ADAT3: variants seen among roughly 807,000 people sequenced by gnomAD.
The protein encoded by ADAT3 is adenosine deaminase tRNA specific 3.
A neutral mutation model predicts 3.5 loss-of-function variants in ADAT3; 2 were observed. The observed-to-expected ratio is 0.57, with a 90% CI of 0.23 to 1.79. The LOEUF is 1.79. ADAT3 is among the 40% of genes most tolerant of loss of function. The pLI, the probability that ADAT3 is intolerant of heterozygous loss-of-function variation, is 0.18. For missense variants in ADAT3, 735 were observed against 571.4 expected, an observed-to-expected ratio of 1.29 and a Z score of -2.92; for synonymous variants, 358 against 270.3, an observed-to-expected ratio of 1.32 and a Z score of -3.18.
chr19:1,911,539 A>G (rs903669986), intron 1 of ADAT3, among the ~76,000 whole-genome samples: 8 of 152,166 alleles, frequency 5.3e-5, no homozygotes, highest in Admixed American at 3.9e-4. Flanking sequence ...TAATCCCACC[A>G]CCAGGTTGAA....
rs941127765 is a variant in ADAT3 at position 1,908,511 on chromosome 19, G to A, written c.-159+3072G>A. 1 of 471,008 alleles carries A rather than the reference G, an allele frequency of 2.1e-6. No homozygotes were observed. Among genetic ancestry groups the A allele is most frequent in the African/African-American group, 2.0e-5 (1 of 50,082 alleles). 29.2% of individuals were successfully genotyped at this position (471,008 alleles called of 1,614,324 possible). ...GCGGGAGGAGCCGTCCATACCAGCG[G>A]GGATGTGTAGTCCAGGCTGGCAGTT... is the stretch of plus-strand genomic sequence containing the variant. On this transcript the variant is annotated intron_variant, in intron 1 of 1. Transcript: ENST00000329478. The surrounding 1 kb of genome is among the most constrained non-coding windows in gnomAD (Gnocchi z 4.2).
rs764240025 is a variant in ADAT3 at position 1,912,106 on chromosome 19, C to T, written c.59C>T (p.Ala20Val). 44 of 1,517,820 alleles carry T rather than the reference C, an allele frequency of 2.9e-5. No homozygotes were observed. In the Admixed American group the frequency reaches 8.6e-4, roughly 30 times the overall value. The allele number at this position is 1,517,820 out of a possible 1,614,324, so 94.0% of individuals were successfully genotyped here. A position where few individuals can be genotyped will look rare whatever the true frequency, so the allele number is the denominator to read the frequency against. The change falls in exon 2 of 2, where the codon GCC (alanine) becomes GTC (valine). Residue 20 changes from alanine to valine, a missense_variant. Coordinates refer to ENST00000329478, the MANE Select transcript of ADAT3 (RefSeq NM_138422.4). ...TCGGCCTCGCTGAGGATGGAGCCCG[C>T]CCCGGGCCTCGTGGAGCAGCCCAAG... ...PQSASLRMEP[A>V]PGLVEQPKCL...
Position 1,912,771 on chromosome 19 carries a change from A to G in ADAT3, c.724A>G (p.Met242Val), listed in dbSNP as rs116296830. The G allele has an allele frequency of 1.4e-3, 2,129 of 1,565,378 alleles. 27 individuals carry two copies. In the African/African-American group the frequency reaches 0.025, roughly 18 times the overall value. Residue 242 changes from methionine (M) to valine (V), a missense_variant, in exon 2 of 2, where the codon ATG becomes GTG. By Grantham distance (21) the Met-to-Val change is conservative. Transcript: ENST00000329478. ...CADNPLLHAV[M>V]VCVDLVARGQ... ...GGACAACCCCCTCCTGCACGCCGTC[A>G]TGGTGTGCGTGGACCTCGTGGCGCG...
At chr19:1,905,463 C>G (rs2013050127) in intron 1 of ADAT3, 24 bp downstream of exon 1, 1 of 455,400 alleles carries the variant, frequency 2.2e-6, no homozygotes, top group African/African-American at 2.1e-5. Flanking sequence ...CCCGAGGTCT[C>G]GGGTTCTCCA....
At chr19:1,909,200 G>T (rs2013303932) in intron 1 of ADAT3, among the ~76,000 whole-genome samples, 1 of 152,140 alleles carries the variant, frequency 6.6e-6, no homozygotes, top group Admixed American at 6.5e-5. Context: ...GCAGGTGGGG[G>T]AAGGCTGGCC....
intron 1 of ADAT3, 50 bp from the exon 2 acceptor site, chr19:1,911,840 A>G: frequency 8.6e-6 from 4 of 467,574 alleles, no homozygotes; most frequent in Non-Finnish European, 1.4e-5. Flanking sequence ...TAGGTGAATT[A>G]TATCTTCGTT....
At position 1,908,547 on chromosome 19, in the gene ADAT3, C is replaced by G. The variant is rs1203216795; in HGVS notation, c.-159+3108C>G. Reference sequence around the variant, plus strand: ...TCCAGGCTGGCAGTTCAGGATCACCCGGCTGGAGTCATTTTAAGATCATCT... The same window carrying G: ...TCCAGGCTGGCAGTTCAGGATCACCGGGCTGGAGTCATTTTAAGATCATCT... On this transcript the variant is annotated intron_variant, in intron 1 of 1. Transcript: ENST00000329478. This position sits in a 1 kb window ranked among gnomAD's most constrained non-coding sequence, Gnocchi z 4.2. 1 of 471,044 alleles carries G rather than the reference C, an allele frequency of 2.1e-6. No homozygotes were observed. Among genetic ancestry groups the G allele is most frequent in the Non-Finnish European group, 4.4e-6 (1 of 227,064 alleles). 29.2% of individuals were successfully genotyped at this position (471,044 alleles called of 1,614,324 possible).
Position 1,912,453 on chromosome 19 carries a change from C to G in ADAT3, c.406C>G (p.Leu136Val). The G allele has an allele frequency of 1.3e-6, 2 of 1,506,918 alleles. No individual in the cohort carries two copies. The highest frequency in any genetic ancestry group is 1.8e-6 in the Non-Finnish European group (2 of 1,134,928). The allele number at this position is 1,506,918 out of a possible 1,614,324, so 93.3% of individuals were successfully genotyped here. A position where few individuals can be genotyped will look rare whatever the true frequency, so the allele number is the denominator to read the frequency against. ...LPRPAVDPRGLGQPFLVPVPA... is the reference protein window; with the variant it reads ...LPRPAVDPRGVGQPFLVPVPA... ...ACGGCCGGCTGTGGACCCCCGCGGC[C>G]TGGGGCAACCCTTCCTGGTGCCCGT... The change falls in exon 2 of 2, where the codon CTG becomes GTG. Residue 136 changes from leucine (L) to valine (V), a missense_variant. Leu to Val is a conservative substitution (Grantham distance 32). Transcript: ENST00000329478.
At chr19:1,909,757 G>A (rs773173619) in intron 1 of ADAT3, among the ~76,000 whole-genome samples, 1 of 152,206 alleles carries the variant, frequency 6.6e-6, no homozygotes, top group Non-Finnish European at 1.5e-5. Context: ...TCCAGCCAGG[G>A]CCTCCTCTGT....
chr19:1,913,049 C>G lies in ADAT3; in HGVS notation c.1002C>G (p.Gly334=). 1.9e-6 allele frequency: 3 copies of G among 1,603,374 alleles called. No individual in the cohort carries two copies. In the African/African-American group the frequency reaches 4.0e-5, roughly 21 times the overall value. Residue 334 remains glycine (G), a synonymous_variant, in exon 2 of 2, where the codon GGC becomes GGG. Coordinates refer to ENST00000329478, the MANE Select transcript of ADAT3 (RefSeq NM_138422.4). ...YGAPSPDGAL[G]TRFRIHARPD... ...CGCCCTCGCCCGACGGCGCCCTGGG[C>G]ACCCGCTTCCGCATCCACGCACGGC...
intron 1 of ADAT3, chr19:1,905,769 TCCTC>T (rs2013079537): frequency 6.6e-6 from 1 of 152,330 alleles, no homozygotes; most frequent in Non-Finnish European, 1.5e-5. Flanking sequence ...CGGTGGCCCT[TCCTC>T]AGGTCATGTC....
intron 1 of ADAT3, chr19:1,906,656 C>G (rs1360689455): frequency 6.6e-6 from 1 of 150,936 alleles, no homozygotes; most frequent in South Asian, 2.1e-4. Context: ...CAAGACCATC[C>G]TGGCTAACAC....
Position 1,912,986 on chromosome 19 carries a change from C to A in ADAT3, c.939C>A (p.Ala313=), listed in dbSNP as rs767706073. 6.2e-7 allele frequency: 1 copy of A among 1,609,354 alleles called. No individual in the cohort carries two copies. Among genetic ancestry groups the A allele is most frequent in the Non-Finnish European group, 8.5e-7 (1 of 1,179,360 alleles). ...AGCCCTGCGCCATGTGCGCCATGGC[C>A]CTGGTGCACGCACGCATCCTGCGCG... The part of the protein sequence containing the change: ...TREPCAMCAM[A]LVHARILRVF... The change falls in exon 2 of 2, where the codon GCC becomes GCA. Residue 313 remains alanine (A), a synonymous_variant. Coordinates refer to ENST00000329478, the MANE Select transcript of ADAT3 (RefSeq NM_138422.4).
Position 1,912,285 on chromosome 19 carries a change from T to C in ADAT3, c.238T>C (p.Ser80Pro). The change falls in exon 2 of 2, where the codon TCG (serine) becomes CCG (proline). Residue 80 changes from serine to proline, a missense_variant. Coordinates refer to ENST00000329478, the MANE Select transcript of ADAT3 (RefSeq NM_138422.4). ...RQTSRLLKEV[S>P]ALHPLPAQPH... ...GACCTCACGCCTCCTGAAGGAGGTG[T>C]CGGCCCTGCACCCGCTCCCCGCCCA... 1 of 1,581,814 alleles carries C rather than the reference T, an allele frequency of 6.3e-7. No homozygotes were observed.
At position 1,913,098 on chromosome 19, in the gene ADAT3, G is replaced by A. The variant is rs753231553; in HGVS notation, c.1051G>A (p.Val351Met). The part of the protein sequence containing the change: ...ARPDLNHRFQ[V>M]FRGVLEEQCR... Reference sequence around the variant, plus strand: ...GCCCGACCTCAACCACCGCTTCCAGGTGTTCCGCGGGGTGCTGGAGGAGCA... The same window carrying A: ...GCCCGACCTCAACCACCGCTTCCAGATGTTCCGCGGGGTGCTGGAGGAGCA... Residue 351 changes from valine (V) to methionine (M), a missense_variant, in exon 2 of 2, where the codon GTG (valine) becomes ATG (methionine). Transcript: ENST00000329478. 6.3e-7 allele frequency: 1 copy of A among 1,597,490 alleles called. No individual in the cohort carries two copies. The highest frequency in any genetic ancestry group is 8.5e-7 in the Non-Finnish European group (1 of 1,176,594).
chr19:1,907,710 G>GCTGGGAC (rs1034046504), intron 1 of ADAT3, among the ~76,000 whole-genome samples: 19 of 152,302 alleles, frequency 1.2e-4, no homozygotes, highest in Admixed American at 5.2e-4. Flanking sequence ...GCCGTGTTCT[G>GCTGGGAC]CTGGGACCTG....
At chr19:1,906,711 G>A (rs888820639) in intron 1 of ADAT3, 1 of 152,118 alleles carries the variant, frequency 6.6e-6, no homozygotes, top group East Asian at 1.9e-4. Flanking sequence ...GCCAGGCATG[G>A]TGGTGGACGC....
In ADAT3 at chr19:1,912,600, G is replaced by T; in HGVS notation, c.553G>T (p.Glu185Ter). 1 of 1,488,354 alleles carries T rather than the reference G, an allele frequency of 6.7e-7. No homozygotes were observed. Among genetic ancestry groups the T allele is most frequent in the Non-Finnish European group, 8.9e-7 (1 of 1,125,858 alleles). The allele number at this position is 1,488,354 out of a possible 1,614,324, so 92.2% of individuals were successfully genotyped here. A position where few individuals can be genotyped will look rare whatever the true frequency, so the allele number is the denominator to read the frequency against. Residue 185 changes from glutamate (E) to a stop codon, truncating the protein, a stop_gained, in exon 2 of 2, where the codon GAG (glutamate) becomes TAG (stop). Coordinates refer to ENST00000329478, the MANE Select transcript of ADAT3 (RefSeq NM_138422.4). LOFTEE classifies it low-confidence loss of function (END_TRUNC). Reference sequence around the variant, plus strand: ...GGCTGGGCGGCTCTTCTCCACGCAGGAGCGCGCCGCCATGCAGAGCCACAT... The same window carrying T: ...GGCTGGGCGGCTCTTCTCCACGCAGTAGCGCGCCGCCATGCAGAGCCACAT... Reference protein sequence around the residue: ...ALAGRLFSTQERAAMQSHMER... With the variant: ...ALAGRLFSTQ
chr19:1,910,466 TA>T (rs1294581008), intron 1 of ADAT3, among the ~76,000 whole-genome samples: 1 of 152,150 alleles, frequency 6.6e-6, no homozygotes, highest in Non-Finnish European at 1.5e-5. Flanking sequence ...AGTTTTCTCT[TA>T]GGGGTGATGG....
Sources: gnomAD v4.1 joint callset for allele counts (sites outside exome capture counted in the v4.1 genomes callset) on GRCh38, gnomAD v4.1.1 for gene constraint, Gnocchi (gnomAD v3.1) non-coding constraint, MANE v1.5 for transcripts, NCBI Gene and HGNC (gene_info 2026-07-23, HGNC 2026-07-21) for gene names.